SV2B: variants seen among roughly 807,000 people sequenced by gnomAD.
SV2B encodes the protein synaptic vesicle glycoprotein 2B.
SV2B carries 41 observed loss-of-function variants against 73.9 expected under a neutral mutation model. The observed-to-expected ratio is 0.56, with a 90% CI of 0.43 to 0.72. The LOEUF is 0.72. Among genes scored for constraint, SV2B ranks in the 30% least tolerant of loss-of-function variants. The pLI is 0.00. For missense variants in SV2B, 764 were observed against 857.8 expected (o/e 0.89, Z 1.37); for synonymous variants, 314 against 314.2 (o/e 1.00, Z 0.01).
intron 4 of SV2B, among the ~76,000 whole-genome samples, chr15:91,256,059 C>T (rs983469446): frequency 6.6e-6 from 1 of 152,046 alleles, no homozygotes; most frequent in Admixed American, 6.5e-5. Context: ...AATTACAAAG[C>T]TCAGAATGTT....
chr15:91,221,316 CTG>C (rs1225029044), intron 1 of SV2B, among the ~76,000 whole-genome samples: 7 of 152,096 alleles, frequency 4.6e-5, no homozygotes, highest in Non-Finnish European at 1.0e-4. Context: ...GATGAGGAAA[CTG>C]GGGCACAGAG....
intron 1 of SV2B, among the ~76,000 whole-genome samples, chr15:91,167,143 C>G (rs896472322): frequency 2.6e-5 from 4 of 152,070 alleles, no homozygotes; most frequent in African/African-American, 9.7e-5. Context: ...CTGAGAATTT[C>G]TTTCAATTAA....
At chr15:91,206,961 G>C (rs1252054954) in intron 1 of SV2B, among the ~76,000 whole-genome samples, 1 of 152,144 alleles carries the variant, frequency 6.6e-6, no homozygotes, top group African/African-American at 2.4e-5. Context: ...AGAGGCTTGA[G>C]AGAGTGAGAA....
intron 1 of SV2B, among the ~76,000 whole-genome samples, chr15:91,211,410 G>T (rs2045854868): frequency 1.3e-5 from 2 of 152,126 alleles, no homozygotes; most frequent in South Asian, 2.1e-4. Context: ...TCTGCCATTG[G>T]CTTAGTGGCT....
intron 1 of SV2B, among the ~76,000 whole-genome samples, chr15:91,134,550 C>A (rs565246484): frequency 6.6e-6 from 1 of 152,118 alleles, no homozygotes; most frequent in Non-Finnish European, 1.5e-5. Context: ...GGACACCCGG[C>A]GTGATCAGGC....
chr15:91,203,118 C>T (rs2045518060), intron 1 of SV2B, among the ~76,000 whole-genome samples: 1 of 152,168 alleles, frequency 6.6e-6, no homozygotes, highest in South Asian at 2.1e-4. Context: ...GAGTCTAGTG[C>T]CCATTGAATA....
chr15:91,198,609 T>C lies in SV2B; in HGVS notation c.-391-27264T>C, dbSNP rs2045345731. ...TATTTTATTTAAATGAGATGCAGAA[T>C]ATATTACCTTAATGAGTAAAAGGGT... On this transcript the variant is annotated intron_variant, in intron 1 of 12. Transcript: ENST00000394232. 2.0e-5 allele frequency among the ~76,000 whole-genome samples: 3 copies of C among 152,314 alleles called. No individual in the cohort carries two copies. In the South Asian group the frequency reaches 6.2e-4, roughly 32 times the overall value.
intron 1 of SV2B, among the ~76,000 whole-genome samples, chr15:91,103,778 G>C (rs1002744432): frequency 4.6e-5 from 7 of 152,160 alleles, no homozygotes; most frequent in Admixed American, 1.3e-4. Flanking sequence ...GAGTCTGGCT[G>C]GGTGTCCCCG....
chr15:91,173,334 T>C (rs1193853747), intron 1 of SV2B, among the ~76,000 whole-genome samples: 1 of 152,138 alleles, frequency 6.6e-6, no homozygotes, highest in African/African-American at 2.4e-5. Context: ...CAGTGCGTGG[T>C]ACGAGCTGTG....
rs2048136922 is a variant in SV2B, at chr15:91,267,236, C to T, written c.1120-319C>T. On this transcript the variant is annotated intron_variant, in intron 7 of 12. Coordinates refer to ENST00000394232, the MANE Select transcript of SV2B (RefSeq NM_001323032.3). The surrounding 1 kb of genome is among the most constrained non-coding windows in gnomAD (Gnocchi z 4.3). Reference sequence around the variant, plus strand: ...TTGCAATATCCCCCTTGCCCACAGGCAGGGAGTAGAACTCAGCAGTCAAGG... The same window carrying T: ...TTGCAATATCCCCCTTGCCCACAGGTAGGGAGTAGAACTCAGCAGTCAAGG... Among the ~76,000 whole-genome samples, 1 of 152,186 alleles carries T rather than the reference C, an allele frequency of 6.6e-6. No homozygotes were observed. The highest frequency in any genetic ancestry group is 2.1e-4 in the South Asian group (1 of 4,822).
Position 91,272,946 on chromosome 15 carries a change from T to C in SV2B, c.1373+4341T>C, listed in dbSNP as rs148722174. Among the ~76,000 whole-genome samples, 288 of 150,946 alleles carry C rather than the reference T, an allele frequency of 1.9e-3. 2 individuals are homozygous for C. The highest frequency in any genetic ancestry group is 6.8e-3 in the African/African-American group (280 of 41,084). The stretch of plus-strand genomic sequence containing the variant: ...CTCCCAGGTTCAAGCGATTCTCCTG[T>C]GTCAGCCTCCTGAGTAGCTGGGATT... On this transcript the variant is annotated intron_variant, in intron 9 of 12. Transcript: ENST00000394232.
In SV2B at chr15:91,260,373, C is replaced by A. The variant is rs1327155104; in HGVS notation, c.972C>A (p.Asn324Lys). 1 of 1,613,540 alleles carries A rather than the reference C, an allele frequency of 6.2e-7. No homozygotes were observed. Residue 324 changes from asparagine to lysine, a missense_variant, in exon 6 of 13, where the codon AAC (asparagine) becomes AAA (lysine). Asn to Lys is a moderately conservative substitution (Grantham distance 94). Coordinates refer to ENST00000394232, the MANE Select transcript of SV2B (RefSeq NM_001323032.3). ...TTCTCAAGCAAGTCCATGACACCAA[C>A]ATGAGAGCTAAGGGGACCCCAGAGA... The part of the protein sequence containing the change: ...WMILKQVHDT[N>K]MRAKGTPEKV...
At chr15:91,156,735 A>G (rs983761686) in intron 1 of SV2B, among the ~76,000 whole-genome samples, 1 of 152,176 alleles carries the variant, frequency 6.6e-6, no homozygotes, top group African/African-American at 2.4e-5. Context: ...TAGAGTGAAA[A>G]CCAAAATCCC....
intron 6 of SV2B, among the ~76,000 whole-genome samples, chr15:91,264,569 T>C (rs2048036562): frequency 6.6e-6 from 1 of 152,182 alleles, no homozygotes; most frequent in African/African-American, 2.4e-5. Context: ...TCATTTTCTT[T>C]AAAGTTCTGA....
chr15:91,121,801 G>A lies in SV2B; in HGVS notation c.-392+21438G>A, dbSNP rs2042344261. On this transcript the variant is annotated intron_variant, in intron 1 of 12. Transcript: ENST00000394232. This position sits in a 1 kb window ranked among gnomAD's most constrained non-coding sequence, Gnocchi z 4.4. ...TGTTTTTTTTTTTTTTTGAGATGGA[G>A]TCTCGCTCTGTCACCCAGGCTGGAG... is the stretch of plus-strand genomic sequence containing the variant. 6.7e-6 allele frequency among the ~76,000 whole-genome samples: 1 copy of A among 148,236 alleles called. No homozygotes were observed. Among genetic ancestry groups the A allele is most frequent in the African/African-American group, 2.5e-5 (1 of 39,854 alleles).
At chr15:91,179,313 C>T (rs1410375523) in intron 1 of SV2B, among the ~76,000 whole-genome samples, 1 of 151,936 alleles carries the variant, frequency 6.6e-6, no homozygotes, top group Non-Finnish European at 1.5e-5. Flanking sequence ...TTACTTCTAC[C>T]TATGTGGTCA....
intron 1 of SV2B, among the ~76,000 whole-genome samples, chr15:91,157,688 C>G (rs539833859): frequency 4.6e-5 from 7 of 152,288 alleles, no homozygotes; most frequent in Admixed American, 4.6e-4. Flanking sequence ...GGTTAATTAA[C>G]TTGTACCAGG....
chr15:91,251,700 T>C, intron 2 of SV2B, 119 bp from the exon 3 acceptor site: 4 of 1,198,274 alleles, frequency 3.3e-6, no homozygotes, highest in Non-Finnish European at 4.6e-6. Flanking sequence ...CACCATTTTG[T>C]GTCTATGACA....
chr15:91,270,404 A>G (rs2048253149), intron 9 of SV2B, among the ~76,000 whole-genome samples: 1 of 152,230 alleles, frequency 6.6e-6, no homozygotes, highest in Non-Finnish European at 1.5e-5. Context: ...GGGAAACAGA[A>G]GCTTAGAGAG....
Sources: allele counts gnomAD v4.1 joint callset (sites outside exome capture counted in the v4.1 genomes callset), GRCh38; gene constraint gnomAD v4.1.1; non-coding constraint Gnocchi (gnomAD v3.1); transcripts MANE v1.5; gene names NCBI Gene and HGNC (gene_info 2026-07-23, HGNC 2026-07-21).